Variants in PSMB10 observed in about 807,000 individuals in gnomAD.
PSMB10 encodes the protein proteasome 20S subunit beta 10.
PSMB10 carries 29 observed loss-of-function variants against 29.8 expected under a neutral mutation model. The ratio of observed to expected loss-of-function variants is 0.97; its 90% confidence interval spans 0.73 to 1.33. The LOEUF (loss-of-function observed/expected upper bound fraction) is 1.33, where lower values mean the gene tolerates loss of function less well. Among genes scored for constraint, PSMB10 ranks in the 40% most tolerant of loss-of-function variants. The pLI is 0.00. For synonymous variants in PSMB10, 157 were observed against 164.7 expected (o/e 0.95, Z 0.36); for missense variants, 327 against 369.2 (o/e 0.89, Z 0.94).
rs146450947 is a variant in PSMB10, at chr16:67,934,883, G to A, written c.624C>T (p.Ser208=). ...TCACACATGCGTCCACATTGCCCCC[G>A]GAGCCCAGGTCACCCAAGATCCCGG... The part of the protein sequence containing the change: ...VTAGILGDLG[S]GGNVDACVIT... Residue 208 remains serine (S), a synonymous_variant, in exon 7 of 8, where the codon TCC becomes TCT. Coordinates refer to ENST00000358514, the MANE Select transcript of PSMB10 (RefSeq NM_002801.4). This position sits in a 1 kb window ranked among gnomAD's most constrained non-coding sequence, Gnocchi z 4.3. 9.3e-6 allele frequency: 15 copies of A among 1,613,716 alleles called. No homozygotes were observed. The African/African-American group carries it at 1.5e-4, about 16-fold the overall frequency.
chr16:67,935,052 C>T lies in PSMB10; in HGVS notation c.559-104G>A, dbSNP rs536684413. The T allele has an allele frequency of 3.2e-5, 46 of 1,427,820 alleles. No homozygotes were observed. The East Asian group carries it at 8.9e-4, about 28-fold the overall frequency. The allele number at this position is 1,427,820 out of a possible 1,614,324, so 88.4% of individuals were successfully genotyped here. ...ACTTACCCAATCTGGTCTTGCCCTC[C>T]AAACCCCCACTGTGTTTCTCCCTCT... On this transcript the variant is annotated intron_variant, in intron 6 of 7. Coordinates refer to ENST00000358514, the MANE Select transcript of PSMB10 (RefSeq NM_002801.4).
At chr16:67,935,010 T>TG (rs2058257449) in intron 6 of PSMB10, 62 bp from the exon 7 acceptor site, 1 of 1,572,220 alleles carries the variant, frequency 6.4e-7, no homozygotes, top group Non-Finnish European at 8.6e-7. Flanking sequence ...GGCTACAGCC[T>TG]GGGGACTTGC....
chr16:67,935,107 C>T, intron 6 of PSMB10, 159 bp from the exon 7 acceptor site: 3 of 954,332 alleles, frequency 3.1e-6, no homozygotes, highest in Non-Finnish European at 3.1e-6. Context: ...GGCAACATCA[C>T]CTGCTTCCAT....
intron 1 of PSMB10, 32 bp downstream of exon 1, chr16:67,936,662 A>G: frequency 6.5e-7 from 1 of 1,541,956 alleles, no homozygotes; most frequent in Admixed American, 2.0e-5. Flanking sequence ...GAGGCGGCTC[A>G]GGAGTGACCG....
In PSMB10 at chr16:67,935,715, G is replaced by A. The variant is rs1257431359; in HGVS notation, c.384-18C>T. 4.3e-6 allele frequency: 7 copies of A among 1,611,690 alleles called. No homozygotes were observed. The highest frequency in any genetic ancestry group is 3.8e-4 in the Middle Eastern group (2 of 5,296). ...CCTGGTACCTGCTCGAGGATGGGCGGGGTCGGCCACAAGCTGGGGCCTAGG... is the reference window on the plus strand; with the variant it reads ...CCTGGTACCTGCTCGAGGATGGGCGAGGTCGGCCACAAGCTGGGGCCTAGG... On this transcript the variant is annotated intron_variant, in intron 4 of 7. Coordinates refer to ENST00000358514, the MANE Select transcript of PSMB10 (RefSeq NM_002801.4).
At chr16:67,936,589 A>C (rs1440019159) in intron 1 of PSMB10, 104 bp from the exon 2 acceptor site, 1 of 1,454,918 alleles carries the variant, frequency 6.9e-7, no homozygotes, top group African/African-American at 1.4e-5. Context: ...GTAAGCCTGG[A>C]ACCCAAGTCG....
rs1315229369 is a variant in PSMB10 at position 67,934,651 on chromosome 16, A to T, written c.731T>A (p.Val244Glu). 6.2e-7 allele frequency: 1 copy of T among 1,614,032 alleles called. No homozygotes were observed. The highest frequency in any genetic ancestry group is 8.5e-7 in the Non-Finnish European group (1 of 1,180,000). The change falls in exon 8 of 8, where the codon GTG (valine) becomes GAG (glutamate). Residue 244 changes from valine to glutamate, a missense_variant. Physicochemically the swap from Val to Glu is moderately radical, Grantham distance 121. Transcript: ENST00000358514. This position sits in a 1 kb window ranked among gnomAD's most constrained non-coding sequence, Gnocchi z 4.3. ...PVKRSGRYHF[V>E]PGTTAVLTQT... ...GGTCAGGACAGCTGTGGTTCCAGGC[A>T]CAAAGTGGTAGCGGCCAGACCTGGG...
At chr16:67,935,825 T>A in intron 4 of PSMB10, 128 bp from the exon 5 acceptor site, 1 of 1,478,724 alleles carries the variant, frequency 6.8e-7, no homozygotes, top group Non-Finnish European at 9.2e-7. Flanking sequence ...CGCCTTTTCC[T>A]GTAGCCCAGG....
chr16:67,934,952 C>T lies in PSMB10; in HGVS notation c.559-4G>A, dbSNP rs370843163. On this transcript the variant is annotated splice_polypyrimidine_tract_variant and splice_region_variant and intron_variant, in intron 6 of 7. Transcript: ENST00000358514. The surrounding 1 kb of genome is among the most constrained non-coding windows in gnomAD (Gnocchi z 4.3). Reference sequence around the variant, plus strand: ...GCAGCCCCTGAGCAGCCTCCAGCTGCGGTGATGGGTGTGTGAGACCTAACG... The same window carrying T: ...GCAGCCCCTGAGCAGCCTCCAGCTGTGGTGATGGGTGTGTGAGACCTAACG... 6 of 1,609,728 alleles carry T rather than the reference C, an allele frequency of 3.7e-6. No homozygotes were observed. The African/African-American group carries it at 5.3e-5, about 14-fold the overall frequency.
At position 67,935,954 on chromosome 16, in the gene PSMB10, C is replaced by G. The variant is rs753155097; in HGVS notation, c.383+9G>C. 4 of 1,605,278 alleles carry G rather than the reference C, an allele frequency of 2.5e-6. No homozygotes were observed. The highest frequency in any genetic ancestry group is 3.4e-6 in the Non-Finnish European group (4 of 1,174,124). On this transcript the variant is annotated intron_variant, in intron 4 of 7. Coordinates refer to ENST00000358514, the MANE Select transcript of PSMB10 (RefSeq NM_002801.4). The stretch of plus-strand genomic sequence containing the variant: ...CCCTGCCGGGGTCCTGTTAGCCCTG[C>G]CCCCGCACCTGAAGAGCGTCTGGCG...
chr16:67,935,164 C>A (rs1598199519), intron 6 of PSMB10: 3 of 702,694 alleles, frequency 4.3e-6, no homozygotes, highest in Non-Finnish European at 4.7e-6. Context: ...ATAAGTAGGA[C>A]CCTACTGGTC....
chr16:67,936,585 C>T, intron 1 of PSMB10, 100 bp from the exon 2 acceptor site: 1 of 1,460,362 alleles, frequency 6.8e-7, no homozygotes. Flanking sequence ...CGGGGTAAGC[C>T]TGGAACCCAA....
At chr16:67,935,217 G>A in intron 6 of PSMB10, 1 of 730,978 alleles carries the variant, frequency 1.4e-6, no homozygotes, top group Non-Finnish European at 2.2e-6. Context: ...TGTGAGCTTC[G>A]ACTTCTCCCA....
intron 3 of PSMB10, 40 bp downstream of exon 3, chr16:67,936,175 G>T (rs750644475): frequency 6.2e-7 from 1 of 1,611,678 alleles, no homozygotes; most frequent in Admixed American, 1.7e-5. Context: ...CGAGGGGGCC[G>T]TTCTTTTTTG....
Position 67,936,683 on chromosome 16 carries a change from C to G in PSMB10, c.56+11G>C. On this transcript the variant is annotated intron_variant, in intron 1 of 7. Coordinates refer to ENST00000358514, the MANE Select transcript of PSMB10 (RefSeq NM_002801.4). ...GCTCAGGAGTGACCGCCCCCCGCGC[C>G]CCCGCTTCACCTTTGGCAGTTCTCG... 9 of 1,550,582 alleles carry G rather than the reference C, an allele frequency of 5.8e-6. No homozygotes were observed. The highest frequency in any genetic ancestry group is 7.8e-6 in the Non-Finnish European group (9 of 1,146,656).
At position 67,934,824 on chromosome 16, in the gene PSMB10, A is replaced by C. The variant is rs1158186292; in HGVS notation, c.683T>G (p.Leu228Arg). 6.2e-7 allele frequency: 1 copy of C among 1,613,986 alleles called. No homozygotes were observed. ...CTTCACGGGCTCTGTGGGTGAGCTC[A>C]GTGTCCGCAGCAGCTTGGCGCCAGT... is the stretch of plus-strand genomic sequence containing the variant. ...TKTGAKLLRTLSSPTEPVKRS... is the reference protein window; with the variant it reads ...TKTGAKLLRTRSSPTEPVKRS... The change falls in exon 7 of 8, where the codon CTG (leucine) becomes CGG (arginine). Residue 228 changes from leucine (L) to arginine (R), a missense_variant. By Grantham distance (102) the Leu-to-Arg change is moderately radical (BLOSUM62 -2). Coordinates refer to ENST00000358514, the MANE Select transcript of PSMB10 (RefSeq NM_002801.4). This position sits in a 1 kb window ranked among gnomAD's most constrained non-coding sequence, Gnocchi z 4.3.
chr16:67,934,700 C>T lies in PSMB10; in HGVS notation c.711-29G>A. 7 of 1,612,848 alleles carry T rather than the reference C, an allele frequency of 4.3e-6. No individual in the cohort carries two copies. Among genetic ancestry groups the T allele is most frequent in the Non-Finnish European group, 5.1e-6 (6 of 1,178,904 alleles). ...GGAGGGAGGAGGGACAGCCTCTGAA[C>T]ATGGGCCTGTCATGTGGCCCATCCC... On this transcript the variant is annotated intron_variant, in intron 7 of 7. Coordinates refer to ENST00000358514, the MANE Select transcript of PSMB10 (RefSeq NM_002801.4). The surrounding 1 kb of genome is among the most constrained non-coding windows in gnomAD (Gnocchi z 4.3).
intron 1 of PSMB10, 56 bp downstream of exon 1, chr16:67,936,638 G>A (rs1386227134): frequency 1.3e-6 from 2 of 1,504,028 alleles, no homozygotes; most frequent in African/African-American, 2.8e-5. Flanking sequence ...AGGAAAAAAG[G>A]CCACGAGCAA....
intron 2 of PSMB10, 25 bp from the exon 3 acceptor site, chr16:67,936,337 T>G (rs1197617419): frequency 6.2e-7 from 1 of 1,611,304 alleles, no homozygotes; most frequent in African/African-American, 1.3e-5. Context: ...GGACCGCAGC[T>G]TCAGTGCCTG....
Sources: gnomAD v4.1 joint callset for allele counts on GRCh38, gnomAD v4.1.1 for gene constraint, Gnocchi (gnomAD v3.1) non-coding constraint, MANE v1.5 for transcripts, NCBI Gene and HGNC (gene_info 2026-07-23, HGNC 2026-07-21) for gene names.